The following XPO1 variants were observed in gnomAD, a reference collection of about 807,000 sequenced individuals.
XPO1 encodes the protein exportin-1.
In XPO1, 5 loss-of-function variants were observed where a neutral mutation model predicts 133.3. The ratio of observed to expected loss-of-function variants is 0.04; its 90% CI spans 0.02 to 0.08. The LOEUF is 0.08. Among genes scored for constraint, XPO1 ranks in the 10% least tolerant of loss-of-function variants. XPO1 has a pLI of 1.00. For synonymous variants in XPO1, 419 were observed against 408.2 expected, an observed-to-expected ratio of 1.03 and a Z score of -0.32; for missense variants, 506 against 1,267.5, an observed-to-expected ratio of 0.40 and a Z score of 9.12.
At chr2:61,489,545 A>G (rs1044804342) in intron 17 of XPO1, among the ~76,000 whole-genome samples, 1 of 151,970 alleles carries the variant, frequency 6.6e-6, no homozygotes, top group Non-Finnish European at 1.5e-5. Flanking sequence ...TTAAGAATGA[A>G]GTAATATAGT....
chr2:61,483,833 A>T (rs1435192565), intron 21 of XPO1, 104 bp downstream of exon 21: 12 of 1,303,868 alleles, frequency 9.2e-6, no homozygotes, highest in Non-Finnish European at 1.2e-5. Flanking sequence ...TATGTAATTC[A>T]CACACTCAAA....
intron 2 of XPO1, among the ~76,000 whole-genome samples, chr2:61,528,923 T>G (rs1486467987): frequency 6.6e-6 from 1 of 152,098 alleles, no homozygotes; most frequent in Non-Finnish European, 1.5e-5. Flanking sequence ...TCCTTCCTAT[T>G]TCTTTTACCT....
rs936926154 is a variant in XPO1, at chr2:61,492,244, T to C, written c.1724-46A>G. ...ATTTATTTTGTCCTGGACTCCATCATGGGTCTCTAACAAGACAAAAACATT... is the reference window on the plus strand; with the variant it reads ...ATTTATTTTGTCCTGGACTCCATCACGGGTCTCTAACAAGACAAAAACATT... On this transcript the variant is annotated intron_variant, in intron 15 of 24. Coordinates refer to ENST00000401558, the MANE Select transcript of XPO1 (RefSeq NM_003400.4). The surrounding 1 kb of genome is among the most constrained non-coding windows in gnomAD (Gnocchi z 5.6). The C allele has an allele frequency of 1.9e-6, 3 of 1,603,610 alleles. No individual in the cohort carries two copies. The highest frequency in any genetic ancestry group is 1.1e-5 in the South Asian group (1 of 89,530).
rs148009634 is a variant in XPO1, at chr2:61,504,032, G to A, written c.302-1722C>T. Among the ~76,000 whole-genome samples, 732 of 152,196 alleles carry A rather than the reference G, an allele frequency of 4.8e-3. 5 individuals are homozygous for A. The highest frequency in any genetic ancestry group is 0.017 in the African/African-American group (696 of 41,540). On this transcript the variant is annotated intron_variant, in intron 4 of 24. Transcript: ENST00000401558. ...TGCACTCCAGCCTGGGCAACAGAGC[G>A]AACTCTTGTCTCAAAAATGAATTAA...
At chr2:61,496,358 T>G (rs1178622063) in intron 10 of XPO1, among the ~76,000 whole-genome samples, 1 of 152,118 alleles carries the variant, frequency 6.6e-6, no homozygotes, top group Non-Finnish European at 1.5e-5. Flanking sequence ...ACTACAGGTG[T>G]GCAACACCAC....
At chr2:61,501,947 AAAT>A (rs749309667) in intron 6 of XPO1, 46 bp downstream of exon 6, 1 of 1,483,922 alleles carries the variant, frequency 6.7e-7, no homozygotes, top group Non-Finnish European at 9.2e-7. Context: ...CATTTTGTTC[AAAT>A]AATAAGCATA....
At chr2:61,515,466 C>G (rs1043027892) in intron 4 of XPO1, among the ~76,000 whole-genome samples, 3 of 152,108 alleles carry the variant, frequency 2.0e-5, no homozygotes, top group African/African-American at 7.2e-5. Context: ...TCAGAAGGTT[C>G]AGGATATTTT....
intron 4 of XPO1, among the ~76,000 whole-genome samples, chr2:61,517,095 G>C (rs1031552385): frequency 4.6e-5 from 7 of 151,782 alleles, no homozygotes; most frequent in African/African-American, 1.7e-4. Context: ...GTAGAGACCG[G>C]GTTTCACCAC....
intron 23 of XPO1, among the ~76,000 whole-genome samples, chr2:61,481,617 G>A (rs1327684233): frequency 1.3e-5 from 2 of 149,646 alleles, no homozygotes; most frequent in Non-Finnish European, 3.0e-5. Context: ...CGGCTAATTT[G>A]TATTTTTAGT....
chr2:61,533,766 CT>C lies in XPO1; in HGVS notation c.126+5del, dbSNP rs1192208601. On this transcript the variant is annotated splice_donor_5th_base_variant and intron_variant, in intron 2 of 24. Coordinates refer to ENST00000401558, the MANE Select transcript of XPO1 (RefSeq NM_003400.4). ...AATGTTATAAAGTTTTGGTTGGCTA[CT>C]TTACCTGGGCTCCTTCTCCATGGTA... 6.3e-7 allele frequency: 1 copy of C among 1,579,916 alleles called. No homozygotes were observed. Among genetic ancestry groups the C allele is most frequent in the Non-Finnish European group, 8.6e-7 (1 of 1,166,040 alleles).
chr2:61,512,183 T>C (rs1698130014), intron 4 of XPO1, among the ~76,000 whole-genome samples: 1 of 152,230 alleles, frequency 6.6e-6, no homozygotes, highest in Admixed American at 6.5e-5. Flanking sequence ...ATCTCTAACA[T>C]TGTATTCTGT....
Position 61,526,811 on chromosome 2 carries a change from G to A in XPO1, c.127-290C>T, listed in dbSNP as rs368727502. On this transcript the variant is annotated intron_variant, in intron 2 of 24. Coordinates refer to ENST00000401558, the MANE Select transcript of XPO1 (RefSeq NM_003400.4). ...CAACCTCTGCCTCCTGGGTTCAAGC[G>A]ATTCTCCCGCCTCAGCCTCCTGAGT... 2.6e-5 allele frequency among the ~76,000 whole-genome samples: 4 copies of A among 151,478 alleles called. No homozygotes were observed. In the East Asian group the frequency reaches 5.8e-4, roughly 22 times the overall value.
At chr2:61,513,966 C>T (rs909880354) in intron 4 of XPO1, among the ~76,000 whole-genome samples, 4 of 151,894 alleles carry the variant, frequency 2.6e-5, no homozygotes, top group Admixed American at 6.6e-5. Context: ...AGGTGGATCA[C>T]GAGGTCAGGA....
At position 61,527,075 on chromosome 2, in the gene XPO1, T is replaced by C. The variant is rs554765710; in HGVS notation, c.127-554A>G. 3.1e-4 allele frequency among the ~76,000 whole-genome samples: 47 copies of C among 152,302 alleles called. 1 individual carries two copies. The South Asian group carries it at 9.5e-3, about 31-fold the overall frequency. On this transcript the variant is annotated intron_variant, in intron 2 of 24. Transcript: ENST00000401558. ...ACAGTAACATTTTTGGGAGTAAATC[T>C]GGTTTATTTTTTAGTCTCAAAACTG...
intron 5 of XPO1, 30 bp from the exon 6 acceptor site, chr2:61,502,070 C>A (rs578021429): frequency 5.7e-6 from 9 of 1,577,518 alleles, no homozygotes; most frequent in South Asian, 1.2e-5. Flanking sequence ...TAAATGAGAG[C>A]CTGAGGTAAG....
intron 5 of XPO1, 46 bp from the exon 6 acceptor site, chr2:61,502,086 A>G (rs745441148): frequency 1.5e-5 from 24 of 1,557,058 alleles, no homozygotes; most frequent in African/African-American, 2.7e-5. Flanking sequence ...GTAAGTATAA[A>G]TAAGAATATA....
rs147548659 is a variant in XPO1 at position 61,498,756 on chromosome 2, A to G, written c.676T>C (p.Leu226=). 3.7e-6 allele frequency: 6 copies of G among 1,613,996 alleles called. No individual in the cohort carries two copies. In the African/African-American group the frequency reaches 8.0e-5, roughly 22 times the overall value. The part of the protein sequence containing the change: ...SQNAPLVHAT[L]ETLLRFLNWI... ...TTCAGAAATCTGAGCAATGTTTCCA[A>G]GGTTGCATGTACAAGTGGAGCATTT... The change falls in exon 9 of 25, where the codon TTG becomes CTG. Residue 226 remains leucine, a synonymous_variant. Coordinates refer to ENST00000401558, the MANE Select transcript of XPO1 (RefSeq NM_003400.4).
Position 61,526,014 on chromosome 2 carries a change from C to T in XPO1, c.228+406G>A, listed in dbSNP as rs1011273720. On this transcript the variant is annotated intron_variant, in intron 3 of 24. Transcript: ENST00000401558. ...GTGCTGTCCCATTAGAAGCCCAATG[C>T]CATGGAGTAGGGTTTTAAGCTGTCC... 13 of 1,062,712 alleles carry T rather than the reference C, an allele frequency of 1.2e-5. No homozygotes were observed. In the African/African-American group the frequency reaches 2.1e-4, roughly 17 times the overall value. The allele number at this position is 1,062,712 out of a possible 1,614,324, so 65.8% of individuals were successfully genotyped here.
intron 7 of XPO1, 79 bp downstream of exon 7, chr2:61,499,634 A>G (rs974844683): frequency 1.5e-6 from 2 of 1,341,708 alleles, no homozygotes; most frequent in Admixed American, 3.0e-5. Context: ...GTTCCTTAAA[A>G]TATCTACAAT....
Sources: allele counts gnomAD v4.1 joint callset (sites outside exome capture counted in the v4.1 genomes callset), GRCh38; gene constraint gnomAD v4.1.1; non-coding constraint Gnocchi (gnomAD v3.1); transcripts MANE v1.5; gene names NCBI Gene and HGNC (gene_info 2026-07-23, HGNC 2026-07-21).